SLC35F4: variants seen among roughly 807,000 people sequenced by gnomAD.
SLC35F4 encodes solute carrier family 35 member F4, also known as chromosome 14 open reading frame 36.
In SLC35F4, 24 loss-of-function variants were observed where a neutral mutation model predicts 44.2. The ratio of observed to expected loss-of-function variants is 0.54; its 90% confidence interval spans 0.39 to 0.76. SLC35F4 has a LOEUF of 0.76. Among genes scored for constraint, SLC35F4 ranks in the 30% least tolerant of loss-of-function variants. The pLI, the probability that SLC35F4 is intolerant of heterozygous loss-of-function variation, is 0.00. For synonymous variants in SLC35F4, 238 were observed against 223.6 expected, an observed-to-expected ratio of 1.06 and a Z score of -0.57; for missense variants, 562 against 586.1, an observed-to-expected ratio of 0.96 and a Z score of 0.42.
At chr14:57,828,589 T>A (rs1461533696) in intron 1 of SLC35F4, among the ~76,000 whole-genome samples, 1 of 152,194 alleles carries the variant, frequency 6.6e-6, no homozygotes, top group Non-Finnish European at 1.5e-5. Flanking sequence ...ATTTGCTTTT[T>A]AAATTTAATG....
chr14:57,890,895 A>G (rs1888748454), intron 1 of SLC35F4, among the ~76,000 whole-genome samples: 1 of 152,228 alleles, frequency 6.6e-6, no homozygotes, highest in African/African-American at 2.4e-5. Context: ...TTTCTGCACT[A>G]AGGAGCAAAT....
chr14:57,589,230 TGGAGA>T lies in SLC35F4; in HGVS notation c.568_572del (p.Ser190AsnfsTer13), dbSNP rs1213102474. ...ATGAAACCTACCTGAATTTTTTCAT[TGGAGA>T]TTGCTTTTCTTGAGCAGTGGCTAGA... On this transcript the variant is annotated frameshift_variant, in exon 3 of 8. Transcript: ENST00000556826. LOFTEE classifies it high-confidence loss of function. 2 of 1,605,176 alleles carry T rather than the reference TGGAGA, an allele frequency of 1.2e-6. No individual in the cohort carries two copies. Among genetic ancestry groups the T allele is most frequent in the Admixed American group, 1.7e-5 (1 of 58,706 alleles).
Position 57,936,779 on chromosome 14 carries a change from GATAAGTATTCGGT to G in SLC35F4, n.282+45121_282+45133del, listed in dbSNP as rs551511833. On this transcript the variant is annotated intron_variant and non_coding_transcript_variant, in intron 1 of 1. Coordinates refer to the SLC35F4 transcript ENST00000556568. ...TGACTAGGGGAGGAGTTGTAGGAGG[GATAAGTATTCGGT>G]TGAGCCTTAACAAAATGGGTAGGAT... Among the ~76,000 whole-genome samples the G allele has an allele frequency of 2.3e-3, 348 of 152,302 alleles. 4 individuals are homozygous for G. The highest frequency in any genetic ancestry group is 7.6e-3 in the African/African-American group (315 of 41,568).
chr14:57,782,816 T>C (rs916537672), intron 1 of SLC35F4, among the ~76,000 whole-genome samples: 11 of 152,288 alleles, frequency 7.2e-5, no homozygotes, highest in East Asian at 3.9e-4. Context: ...ATTAGAACCA[T>C]ATAAAGTGCC....
chr14:57,573,756 G>T (rs989145071), intron 4 of SLC35F4, among the ~76,000 whole-genome samples: 5 of 152,160 alleles, frequency 3.3e-5, no homozygotes, highest in Non-Finnish European at 5.9e-5. Flanking sequence ...TTGGTTTTGT[G>T]TTTAAATGAT....
At chr14:57,760,059 T>C (rs1391840748) in intron 1 of SLC35F4, among the ~76,000 whole-genome samples, 4 of 152,158 alleles carry the variant, frequency 2.6e-5, no homozygotes, top group Non-Finnish European at 4.4e-5. Flanking sequence ...TTATTTTTGC[T>C]TTTGTAGCCT....
chr14:57,572,984 A>G (rs1263701603), intron 4 of SLC35F4, among the ~76,000 whole-genome samples: 1 of 138,380 alleles, frequency 7.2e-6, no homozygotes, highest in East Asian at 1.9e-4. Flanking sequence ...TTAAACCTAC[A>G]TGGTGATTAA....
chr14:57,914,514 G>A (rs1889279109), intron 1 of SLC35F4, among the ~76,000 whole-genome samples: 1 of 151,928 alleles, frequency 6.6e-6, no homozygotes, highest in Non-Finnish European at 1.5e-5. Flanking sequence ...AGTGAGCCGA[G>A]ATCGCGCCAC....
chr14:57,661,076 A>G (rs1338807127), intron 1 of SLC35F4, among the ~76,000 whole-genome samples: 1 of 152,172 alleles, frequency 6.6e-6, no homozygotes, highest in Non-Finnish European at 1.5e-5. Flanking sequence ...AATTAGGCAG[A>G]CCAATCCTGT....
intron 1 of SLC35F4, among the ~76,000 whole-genome samples, chr14:57,711,056 A>T (rs2075806728): frequency 6.6e-6 from 1 of 151,872 alleles, no homozygotes; most frequent in Non-Finnish European, 1.5e-5. Context: ...CCCCACCCAA[A>T]TCTCATCTTG....
At chr14:57,770,228 C>T (rs569399264) in intron 1 of SLC35F4, among the ~76,000 whole-genome samples, 1 of 152,242 alleles carries the variant, frequency 6.6e-6, no homozygotes, top group African/African-American at 2.4e-5. Context: ...AGAGAAGCAC[C>T]GAGGTCACGG....
intron 1 of SLC35F4, among the ~76,000 whole-genome samples, chr14:57,863,676 G>T (rs7150260): frequency 0.017 from 2,658 of 152,258 alleles, 83 homozygotes; most frequent in African/African-American, 0.056. Flanking sequence ...ATTTCATGGT[G>T]CTCGGTTCCC....
intron 1 of SLC35F4, among the ~76,000 whole-genome samples, chr14:57,840,772 A>G (rs1243734841): frequency 6.6e-6 from 1 of 152,154 alleles, no homozygotes; most frequent in Non-Finnish European, 1.5e-5. Flanking sequence ...CCCCCAAATA[A>G]TGAATGTTTT....
intron 1 of SLC35F4, among the ~76,000 whole-genome samples, chr14:57,863,110 TC>T (rs1201681564): frequency 1.3e-5 from 2 of 152,226 alleles, no homozygotes; most frequent in African/African-American, 2.4e-5. Flanking sequence ...CAAGCAATCC[TC>T]CTGCCTTGGC....
intron 1 of SLC35F4, among the ~76,000 whole-genome samples, chr14:57,627,013 A>G (rs1222555367): frequency 6.6e-6 from 1 of 152,094 alleles, no homozygotes; most frequent in Non-Finnish European, 1.5e-5. Context: ...AAATGCTCCT[A>G]CTTCTTCTCT....
At chr14:57,673,433 C>T (rs1390201465) in intron 1 of SLC35F4, among the ~76,000 whole-genome samples, 1 of 152,112 alleles carries the variant, frequency 6.6e-6, no homozygotes, top group Non-Finnish European at 1.5e-5. Context: ...TTTCCCAGAT[C>T]TGTAAAATGG....
intron 1 of SLC35F4, among the ~76,000 whole-genome samples, chr14:57,907,247 G>A (rs889932452): frequency 6.6e-6 from 1 of 152,130 alleles, no homozygotes; most frequent in Non-Finnish European, 1.5e-5. Context: ...CACTTTTTAG[G>A]TATAATGCTA....
intron 1 of SLC35F4, among the ~76,000 whole-genome samples, chr14:57,783,279 A>G (rs894442252): frequency 3.9e-5 from 6 of 152,148 alleles, no homozygotes; most frequent in Admixed American, 3.9e-4. Flanking sequence ...TTAAAATATC[A>G]AGCAGCTTCT....
At chr14:57,721,525 G>C (rs1347809854) in intron 1 of SLC35F4, among the ~76,000 whole-genome samples, 1 of 152,150 alleles carries the variant, frequency 6.6e-6, no homozygotes, top group African/African-American at 2.4e-5. Context: ...ATCTCCTGTA[G>C]AGAAAGAGCT....
Sources: allele counts gnomAD v4.1 joint callset (sites outside exome capture counted in the v4.1 genomes callset), GRCh38; gene constraint gnomAD v4.1.1; transcripts MANE v1.5; gene names NCBI Gene and HGNC (gene_info 2026-07-23, HGNC 2026-07-21).